The following LTBP1 variants were observed in gnomAD, a reference collection of about 807,000 sequenced individuals.
LTBP1 encodes the protein latent-transforming growth factor beta-binding protein 1.
In LTBP1, 129 loss-of-function variants were observed where a neutral mutation model predicts 207.6. The ratio of observed to expected loss-of-function variants is 0.62; its 90% CI spans 0.54 to 0.72. LTBP1 has a LOEUF of 0.72. Ranked by LOEUF, LTBP1 falls within the 30% of genes least tolerant of loss-of-function variation. The pLI, the probability that LTBP1 is intolerant of heterozygous loss-of-function variation, is 0.00. For synonymous variants in LTBP1, 963 were observed against 833.7 expected, an observed-to-expected ratio of 1.16 and a Z score of -2.67; for missense variants, 2,281 against 2,217.2, an observed-to-expected ratio of 1.03 and a Z score of -0.58.
intron 20 of LTBP1, among the ~76,000 whole-genome samples, chr2:33,296,119 T>G (rs2093870596): frequency 6.6e-6 from 1 of 152,200 alleles, no homozygotes; most frequent in South Asian, 2.1e-4. Flanking sequence ...ATACACTGGA[T>G]CAATGGTGGA....
chr2:33,143,010 ATT>A (rs941820768), intron 5 of LTBP1, among the ~76,000 whole-genome samples: 5 of 152,172 alleles, frequency 3.3e-5, no homozygotes, highest in African/African-American at 1.2e-4. Flanking sequence ...GCTCCACGGC[ATT>A]CACTTTGGCC....
rs541798294 is a variant in LTBP1, at chr2:32,958,272, T to C, written c.565+9327T>C. ...CTTGCTACGGGGCTGCATTAGGTAA[T>C]ACATTAAAAACGCATAGAGAGCAGG... is the stretch of plus-strand genomic sequence containing the variant. On this transcript the variant is annotated intron_variant, in intron 2 of 33. Coordinates refer to ENST00000404816, the MANE Select transcript of LTBP1 (RefSeq NM_206943.4). Among the ~76,000 whole-genome samples, 33 of 152,300 alleles carry C rather than the reference T, an allele frequency of 2.2e-4. No individual in the cohort carries two copies. In the South Asian group the frequency reaches 6.8e-3, roughly 32 times the overall value.
intron 15 of LTBP1, among the ~76,000 whole-genome samples, chr2:33,269,214 T>C (rs1464927998): frequency 6.6e-6 from 1 of 152,252 alleles, no homozygotes; most frequent in Non-Finnish European, 1.5e-5. Flanking sequence ...CTGTTTCATT[T>C]AATTTTAGAA....
intron 3 of LTBP1, among the ~76,000 whole-genome samples, chr2:33,022,022 C>T (rs1368224007): frequency 1.3e-5 from 2 of 152,068 alleles, no homozygotes; most frequent in Non-Finnish European, 2.9e-5. Context: ...AGGAAGTTCC[C>T]AACTTAAAAA....
intron 9 of LTBP1, among the ~76,000 whole-genome samples, chr2:33,231,273 G>C (rs1307840317): frequency 6.6e-6 from 1 of 152,126 alleles, no homozygotes; most frequent in African/African-American, 2.4e-5. Context: ...TATTATACTC[G>C]TTCTGCTTTA....
chr2:33,151,901 G>A (rs377033148), intron 5 of LTBP1, among the ~76,000 whole-genome samples: 31 of 141,176 alleles, frequency 2.2e-4, no homozygotes, highest in South Asian at 1.7e-3. Context: ...TTATCCACTC[G>A]TTGATTGATG....
At chr2:33,130,192 G>GTCTC (rs1237035332) in intron 4 of LTBP1, among the ~76,000 whole-genome samples, 1 of 152,174 alleles carries the variant, frequency 6.6e-6, no homozygotes, top group Non-Finnish European at 1.5e-5. Flanking sequence ...TGTTAGCTCA[G>GTCTC]TCTCTCTCAC....
intron 3 of LTBP1, among the ~76,000 whole-genome samples, chr2:33,050,672 T>C (rs2076689076): frequency 6.6e-6 from 1 of 152,138 alleles, no homozygotes; most frequent in South Asian, 2.1e-4. Context: ...AAACAGAACA[T>C]TTGGGTTCAG....
intron 32 of LTBP1, among the ~76,000 whole-genome samples, chr2:33,392,895 T>C (rs2095326998): frequency 6.6e-6 from 1 of 151,872 alleles, no homozygotes; most frequent in Non-Finnish European, 1.5e-5. Flanking sequence ...TTTTTTTAAA[T>C]TGGGGTCTCA....
At chr2:33,164,266 C>G (rs1444224700) in intron 5 of LTBP1, among the ~76,000 whole-genome samples, 2 of 148,726 alleles carry the variant, frequency 1.3e-5, no homozygotes, top group African/African-American at 5.0e-5. Flanking sequence ...GGAGAATTGC[C>G]CTGAACCTGG....
intron 5 of LTBP1, among the ~76,000 whole-genome samples, chr2:33,138,833 TA>T (rs1161989467): frequency 1.4e-5 from 2 of 147,814 alleles, no homozygotes; most frequent in African/African-American, 4.9e-5. Flanking sequence ...TTGGACCATT[TA>T]AAAAGTATGT....
In LTBP1 at chr2:33,399,393, C is replaced by T. The variant is rs1434617365; in HGVS notation, c.*848C>T. On this transcript the variant is annotated 3_prime_UTR_variant, in exon 34 of 34. Transcript: ENST00000404816. ...ACCTGAGAGTAATTGTCAATGAGTACATGTGTATAAGTTGTATCCCACTCT... is the reference window on the plus strand; with the variant it reads ...ACCTGAGAGTAATTGTCAATGAGTATATGTGTATAAGTTGTATCCCACTCT... 1 of 152,146 alleles carries T rather than the reference C, an allele frequency of 6.6e-6. No homozygotes were observed. The highest frequency in any genetic ancestry group is 1.5e-5 in the Non-Finnish European group (1 of 68,032). The allele number at this position is 152,146 out of a possible 1,614,324, so 9.4% of individuals were successfully genotyped here.
At chr2:33,337,395 T>G (rs1290473395) in intron 24 of LTBP1, among the ~76,000 whole-genome samples, 1 of 152,240 alleles carries the variant, frequency 6.6e-6, no homozygotes, top group African/African-American at 2.4e-5. Flanking sequence ...GTAGTTCCCG[T>G]CACCCAGAAC....
intron 3 of LTBP1, 74 bp downstream of exon 3, chr2:33,021,280 G>C: frequency 7.4e-7 from 1 of 1,357,774 alleles, no homozygotes; most frequent in Non-Finnish European, 1.0e-6. Context: ...TTAAATCACT[G>C]TCCCTTTCCT....
intron 24 of LTBP1, 137 bp downstream of exon 24, chr2:33,315,406 CCA>C (rs2094254469): frequency 2.8e-6 from 3 of 1,079,270 alleles, no homozygotes; most frequent in African/African-American, 1.6e-5. Context: ...TCAAAGTAAA[CCA>C]TATCTGAAAG....
At chr2:33,354,683 T>TACACACACACACAC (rs71409608) in intron 26 of LTBP1, among the ~76,000 whole-genome samples, 71 of 139,766 alleles carry the variant, frequency 5.1e-4, no homozygotes, top group African/African-American at 1.8e-3. Flanking sequence ...ACTAAAACTA[T>TACACACACACACAC]ACACACACAC....
chr2:33,165,399 T>C (rs1162171412), intron 5 of LTBP1, among the ~76,000 whole-genome samples: 2 of 152,256 alleles, frequency 1.3e-5, no homozygotes, highest in Non-Finnish European at 2.9e-5. Flanking sequence ...GAGAAGAATC[T>C]AGGCTTTGAT....
chr2:33,312,324 A>G (rs896608920), intron 23 of LTBP1, among the ~76,000 whole-genome samples: 1 of 152,224 alleles, frequency 6.6e-6, no homozygotes, highest in Non-Finnish European at 1.5e-5. Flanking sequence ...ATACTTCTAT[A>G]TTCAGTAAGG....
intron 11 of LTBP1, among the ~76,000 whole-genome samples, chr2:33,256,347 C>A (rs2092849989): frequency 6.6e-6 from 1 of 152,114 alleles, no homozygotes; most frequent in Non-Finnish European, 1.5e-5. Flanking sequence ...AGAAACACTT[C>A]CCCTTTTCCG....
Sources: allele counts gnomAD v4.1 joint callset (sites outside exome capture counted in the v4.1 genomes callset), GRCh38; gene constraint gnomAD v4.1.1; transcripts MANE v1.5; gene names NCBI Gene and HGNC (gene_info 2026-07-23, HGNC 2026-07-21).